DNAH11: variants seen among roughly 807,000 people sequenced by gnomAD.
DNAH11 encodes dynein axonemal heavy chain 11, also known as axonemal beta dynein heavy chain 11.
In DNAH11, 442 loss-of-function variants were observed where a neutral mutation model predicts 526.0. The observed-to-expected ratio is 0.84, with a 90% confidence interval of 0.78 to 0.91. The LOEUF (loss-of-function observed/expected upper bound fraction) is 0.91. Ranked by LOEUF, DNAH11 falls within the 40% of genes least tolerant of loss-of-function variation. DNAH11 has a pLI of 0.00. For missense variants in DNAH11, 6,989 were observed against 5,448.7 expected, an observed-to-expected ratio of 1.28 and a Z score of -8.90; for synonymous variants, 2,461 against 1,935.9, an observed-to-expected ratio of 1.27 and a Z score of -7.12.
At chr7:21,708,258 ATC>A (rs755546161) in intron 40 of DNAH11, among the ~76,000 whole-genome samples, 5 of 152,164 alleles carry the variant, frequency 3.3e-5, no homozygotes, top group Non-Finnish European at 7.4e-5. Flanking sequence ...CTTTGTGACA[ATC>A]TGTTAAGATT....
At chr7:21,851,736 T>A (rs1374898586) in intron 66 of DNAH11, 1 of 459,764 alleles carries the variant, frequency 2.2e-6, no homozygotes, top group Non-Finnish European at 4.5e-6. Context: ...CGAGAAGCTG[T>A]GATTCTCTGT....
intron 28 of DNAH11, among the ~76,000 whole-genome samples, chr7:21,641,796 C>T (rs1787142365): frequency 6.6e-6 from 1 of 152,200 alleles, no homozygotes. Flanking sequence ...TCCTCACCTA[C>T]CCCATTCATA....
At chr7:21,712,035 C>G (rs2128481320) in intron 42 of DNAH11, among the ~76,000 whole-genome samples, 175 bp downstream of exon 42, 1 of 152,288 alleles carries the variant, frequency 6.6e-6, no homozygotes, top group South Asian at 2.1e-4. Context: ...AATAACACCT[C>G]ATTCTCCCCT....
Position 21,600,942 on chromosome 7 carries a change from C to G in DNAH11, c.3255+12C>G. On this transcript the variant is annotated intron_variant, in intron 16 of 81. Coordinates refer to ENST00000409508, the MANE Select transcript of DNAH11 (RefSeq NM_001277115.2). ...AATTCAAAGAACAGGCAAGGAAAAC[C>G]CTTAGCATTTAATGTAGTGAAATGG... The G allele has an allele frequency of 6.2e-7, 1 of 1,612,892 alleles. No individual in the cohort carries two copies. The highest frequency in any genetic ancestry group is 1.1e-5 in the South Asian group (1 of 90,846).
chr7:21,625,535 A>G lies in DNAH11; in HGVS notation c.4500+5457A>G, dbSNP rs561415590. Among the ~76,000 whole-genome samples the G allele has an allele frequency of 1.5e-3, 224 of 151,884 alleles. 1 individual carries two copies. Among genetic ancestry groups the G allele is most frequent in the Non-Finnish European group, 2.7e-3 (180 of 67,888 alleles). The stretch of plus-strand genomic sequence containing the variant: ...GCTCTGATCGTTATCATTTTTTCCT[A>G]CTATTGATTGTGGGCTTAGTTTGTT... On this transcript the variant is annotated intron_variant, in intron 25 of 81. Coordinates refer to ENST00000409508, the MANE Select transcript of DNAH11 (RefSeq NM_001277115.2).
At chr7:21,739,818 G>T in intron 48 of DNAH11, 145 bp downstream of exon 48, 1 of 605,548 alleles carries the variant, frequency 1.7e-6, no homozygotes, top group Non-Finnish European at 2.8e-6. Flanking sequence ...CAACAGACAG[G>T]GGTTCTAATA....
chr7:21,584,978 C>G (rs1224245927), intron 9 of DNAH11, among the ~76,000 whole-genome samples: 1 of 143,000 alleles, frequency 7.0e-6, no homozygotes, highest in African/African-American at 3.0e-5. Flanking sequence ...ATCTCAATTA[C>G]AGAGGCTCCT....
At chr7:21,674,950 C>G (rs969340419) in intron 30 of DNAH11, among the ~76,000 whole-genome samples, 9 of 152,168 alleles carry the variant, frequency 5.9e-5, no homozygotes, top group Non-Finnish European at 1.0e-4. Context: ...CAATCAACCA[C>G]CAATTCTGTC....
intron 65 of DNAH11, among the ~76,000 whole-genome samples, chr7:21,818,676 A>G (rs774682968): frequency 1.1e-4 from 17 of 152,214 alleles, no homozygotes; most frequent in Admixed American, 2.6e-4. Context: ...CTGCCTATCT[A>G]CATATCACTT....
chr7:21,899,920 C>A, intron 80 of DNAH11, 60 bp from the exon 81 acceptor site: 2 of 1,576,332 alleles, frequency 1.3e-6, no homozygotes, highest in Non-Finnish European at 8.6e-7. Context: ...TTACTGGTAG[C>A]TCCCGGGAAC....
intron 64 of DNAH11, 71 bp from the exon 65 acceptor site, chr7:21,818,146 A>G: frequency 2.1e-6 from 3 of 1,461,848 alleles, no homozygotes; most frequent in African/African-American, 1.4e-5. Flanking sequence ...ATATAATTTG[A>G]TCATTTAAAA....
chr7:21,721,311 A>T (rs1332737702), intron 44 of DNAH11, among the ~76,000 whole-genome samples: 2 of 151,910 alleles, frequency 1.3e-5, no homozygotes, highest in Non-Finnish European at 2.9e-5. Flanking sequence ...GTGATCTCAG[A>T]CCCTTTCAGT....
rs1158306841 is a variant in DNAH11, at chr7:21,863,320, T to C, written c.11374-1215T>C. 2.6e-5 allele frequency among the ~76,000 whole-genome samples: 4 copies of C among 152,220 alleles called. No homozygotes were observed. In the East Asian group the frequency reaches 7.7e-4, roughly 29 times the overall value. ...TAAACAGGAGCAAGGCATTACACAA[T>C]GAAATACTTGTTTTTTTGTTTGTTT... On this transcript the variant is annotated intron_variant, in intron 69 of 81. Transcript: ENST00000409508.
At chr7:21,587,938 G>A (rs1315283217) in intron 9 of DNAH11, 126 bp from the exon 10 acceptor site, 4 of 805,586 alleles carry the variant, frequency 5.0e-6, no homozygotes, top group South Asian at 6.4e-5. Context: ...ACATTTTGAA[G>A]CATCACAGGA....
At chr7:21,877,576 A>C (rs1783763128) in intron 74 of DNAH11, among the ~76,000 whole-genome samples, 1 of 152,184 alleles carries the variant, frequency 6.6e-6, no homozygotes, top group African/African-American at 2.4e-5. Context: ...TACGCCTTTC[A>C]GCTAAAGAGC....
At chr7:21,607,825 C>T (rs750665408) in intron 20 of DNAH11, among the ~76,000 whole-genome samples, 2 of 150,536 alleles carry the variant, frequency 1.3e-5, no homozygotes, top group African/African-American at 4.9e-5. Flanking sequence ...GTAGTCCCAA[C>T]TACTCAGGAG....
intron 35 of DNAH11, among the ~76,000 whole-genome samples, chr7:21,695,373 A>G (rs943492855): frequency 6.6e-6 from 1 of 152,236 alleles, no homozygotes; most frequent in African/African-American, 2.4e-5. Flanking sequence ...CCAAAACAGC[A>G]TGGTACTGGT....
At chr7:21,589,531 C>A (rs1418427481) in intron 12 of DNAH11, 128 bp downstream of exon 12, 7 of 681,526 alleles carry the variant, frequency 1.0e-5, no homozygotes, top group Non-Finnish European at 1.6e-5. Flanking sequence ...TAACTGTAAA[C>A]AATTTCTTAC....
At chr7:21,588,667 T>C (rs1198404557) in intron 11 of DNAH11, 31 bp downstream of exon 11, 1 of 1,606,382 alleles carries the variant, frequency 6.2e-7, no homozygotes, top group African/African-American at 1.3e-5. Flanking sequence ...CATGGCAAGT[T>C]ATTCTAATGG....
Sources: gnomAD v4.1 joint callset for allele counts (sites outside exome capture counted in the v4.1 genomes callset) on GRCh38, gnomAD v4.1.1 for gene constraint, MANE v1.5 for transcripts, NCBI Gene and HGNC (gene_info 2026-07-23, HGNC 2026-07-21) for gene names.